Variants in ETV6 observed in about 807,000 individuals in gnomAD.
ETV6 encodes the protein transcription factor ETV6.
ETV6 carries 16 observed loss-of-function variants against 51.1 expected under a neutral mutation model. The observed-to-expected ratio is 0.31, with a 90% CI of 0.21 to 0.48. The LOEUF (loss-of-function observed/expected upper bound fraction) is 0.48. ETV6 is among the 20% of genes least tolerant of loss of function. The pLI is 0.99. For missense variants in ETV6, 458 were observed against 594.8 expected, an observed-to-expected ratio of 0.77 and a Z score of 2.39; for synonymous variants, 240 against 224.1, an observed-to-expected ratio of 1.07 and a Z score of -0.64.
chr12:11,751,715 T>C lies in ETV6; in HGVS notation c.34-735T>C, dbSNP rs1464284466. On this transcript the variant is annotated intron_variant, in intron 1 of 7. Coordinates refer to ENST00000396373, the MANE Select transcript of ETV6 (RefSeq NM_001987.5). ...TTGATAAGGGGTCAAACAGTACTTC[T>C]TTTAAATTCAGATAATTCTTTGAAT... 3 of 381,824 alleles carry C rather than the reference T, an allele frequency of 7.9e-6. No homozygotes were observed. The East Asian group carries it at 2.1e-4, about 27-fold the overall frequency. 23.7% of individuals were successfully genotyped at this position (381,824 alleles called of 1,614,324 possible). A position where few individuals can be genotyped will look rare whatever the true frequency, so the allele number is the denominator to read the frequency against.
chr12:11,864,786 T>C (rs921876433), intron 4 of ETV6, among the ~76,000 whole-genome samples: 14 of 151,934 alleles, frequency 9.2e-5, no homozygotes, highest in African/African-American at 2.4e-4. Context: ...ACAGGAAATA[T>C]CAAACCTATA....
At chr12:11,788,326 C>CT (rs1945519352) in intron 2 of ETV6, among the ~76,000 whole-genome samples, 1 of 152,056 alleles carries the variant, frequency 6.6e-6, no homozygotes, top group Non-Finnish European at 1.5e-5. Context: ...CAAATTGGGC[C>CT]TTTTTCCCCC....
At chr12:11,662,399 G>C (rs533187826) in intron 1 of ETV6, among the ~76,000 whole-genome samples, 1 of 152,376 alleles carries the variant, frequency 6.6e-6, no homozygotes, top group South Asian at 2.1e-4. Context: ...TCACTAGCCA[G>C]TTCTTCTGAG....
chr12:11,817,113 G>C (rs957648904), intron 2 of ETV6, among the ~76,000 whole-genome samples: 1 of 152,166 alleles, frequency 6.6e-6, no homozygotes, highest in African/African-American at 2.4e-5. Flanking sequence ...ACTGGACTCA[G>C]GATCTTCCCA....
At chr12:11,782,246 T>C (rs191565023) in intron 2 of ETV6, among the ~76,000 whole-genome samples, 4 of 152,292 alleles carry the variant, frequency 2.6e-5, no homozygotes, top group Admixed American at 2.0e-4. Context: ...TACTTCAGCT[T>C]AGGCAAGACA....
chr12:11,747,100 C>T (rs1865923319), intron 1 of ETV6, among the ~76,000 whole-genome samples: 1 of 152,148 alleles, frequency 6.6e-6, no homozygotes, highest in African/African-American at 2.4e-5. Context: ...CTGGCGTACC[C>T]TCTCCCCAAG....
At chr12:11,702,148 G>A (rs1864995081) in intron 1 of ETV6, among the ~76,000 whole-genome samples, 1 of 152,136 alleles carries the variant, frequency 6.6e-6, no homozygotes, top group Non-Finnish European at 1.5e-5. Flanking sequence ...TGGGGCAAAT[G>A]GGAAGGGAGC....
rs180976996 is a variant in ETV6 at position 11,777,697 on chromosome 12, C to T, written c.163+25118C>T. ...TTCCCATGCTGATCACATTCTCTCG[C>T]CTCTTTCTTCTGGCTACAACACACT... On this transcript the variant is annotated intron_variant, in intron 2 of 7. Coordinates refer to ENST00000396373, the MANE Select transcript of ETV6 (RefSeq NM_001987.5). 2.0e-5 allele frequency among the ~76,000 whole-genome samples: 3 copies of T among 152,282 alleles called. No homozygotes were observed. The East Asian group carries it at 5.8e-4, about 29-fold the overall frequency.
Position 11,869,327 on chromosome 12 carries a change from C to A in ETV6, c.464-97C>A, listed in dbSNP as rs1946840118. 1 of 1,073,114 alleles carries A rather than the reference C, an allele frequency of 9.3e-7. No individual in the cohort carries two copies. The highest frequency in any genetic ancestry group is 1.4e-6 in the Non-Finnish European group (1 of 732,450). 66.5% of individuals were successfully genotyped at this position (1,073,114 alleles called of 1,614,324 possible). Reference sequence around the variant, plus strand: ...GGGGAGAAAGGTCCTTTACACATACCTACACGCTCCTCCATTTACCGCCTG... The same window carrying A: ...GGGGAGAAAGGTCCTTTACACATACATACACGCTCCTCCATTTACCGCCTG... On this transcript the variant is annotated intron_variant, in intron 4 of 7. Transcript: ENST00000396373. This position sits in a 1 kb window ranked among gnomAD's most constrained non-coding sequence, Gnocchi z 5.0.
intron 2 of ETV6, among the ~76,000 whole-genome samples, chr12:11,801,698 G>T (rs1422433545): frequency 6.8e-6 from 1 of 147,854 alleles, no homozygotes; most frequent in Non-Finnish European, 1.5e-5. Context: ...TTGGTGTACA[G>T]ATGAGGAATC....
At chr12:11,702,917 G>A (rs1482657199) in intron 1 of ETV6, among the ~76,000 whole-genome samples, 1 of 152,160 alleles carries the variant, frequency 6.6e-6, no homozygotes, top group Non-Finnish European at 1.5e-5. Flanking sequence ...ACCAGCCTGG[G>A]CAACATGGCA....
rs139620719 is a variant in ETV6, at chr12:11,694,378, T to G, written c.33+44218T>G. The stretch of plus-strand genomic sequence containing the variant: ...TGACATGTTTTATAATAGCTTCTTA[T>G]GGAATTATCTGAATTGGGGACCCAT... On this transcript the variant is annotated intron_variant, in intron 1 of 7. Transcript: ENST00000396373. Among the ~76,000 whole-genome samples, 413 of 152,352 alleles carry G rather than the reference T, an allele frequency of 2.7e-3. 6 individuals carry two copies. Among genetic ancestry groups the G allele is most frequent in the African/African-American group, 9.7e-3 (403 of 41,582 alleles).
chr12:11,833,811 G>C (rs141747052), intron 2 of ETV6, among the ~76,000 whole-genome samples: 19 of 152,306 alleles, frequency 1.2e-4, no homozygotes, highest in African/African-American at 4.6e-4. Flanking sequence ...AAGCACTATG[G>C]TGGGGTGTTA....
intron 1 of ETV6, among the ~76,000 whole-genome samples, chr12:11,729,783 A>G (rs1290107783): frequency 6.6e-6 from 1 of 152,334 alleles, no homozygotes; most frequent in South Asian, 2.1e-4. Flanking sequence ...GTATCTTTAA[A>G]AAATTTTTTT....
chr12:11,712,028 T>A (rs1865183657), intron 1 of ETV6, among the ~76,000 whole-genome samples: 1 of 152,174 alleles, frequency 6.6e-6, no homozygotes, highest in Non-Finnish European at 1.5e-5. Flanking sequence ...ATTGTGTTAG[T>A]TTCCCATCAT....
chr12:11,763,098 A>G (rs1945114149), intron 2 of ETV6, among the ~76,000 whole-genome samples: 1 of 152,174 alleles, frequency 6.6e-6, no homozygotes, highest in South Asian at 2.1e-4. Context: ...GTTTCCCACT[A>G]GATATGAACA....
At chr12:11,821,478 T>G (rs914753281) in intron 2 of ETV6, among the ~76,000 whole-genome samples, 10 of 152,182 alleles carry the variant, frequency 6.6e-5, no homozygotes, top group Admixed American at 3.9e-4. Context: ...GAACAGCAGA[T>G]TTAGATGAGT....
At chr12:11,660,266 T>G (rs990759342) in intron 1 of ETV6, among the ~76,000 whole-genome samples, 4 of 152,172 alleles carry the variant, frequency 2.6e-5, no homozygotes, top group African/African-American at 9.7e-5. Context: ...GACAAGTAGA[T>G]CTGCACTAGG....
chr12:11,855,709 G>A (rs956088757), intron 4 of ETV6, among the ~76,000 whole-genome samples: 1 of 152,152 alleles, frequency 6.6e-6, no homozygotes, highest in African/African-American at 2.4e-5. Context: ...CCTCGCTTCC[G>A]TGATGGAGAA....
Sources: gnomAD v4.1 joint callset for allele counts (sites outside exome capture counted in the v4.1 genomes callset) on GRCh38, gnomAD v4.1.1 for gene constraint, Gnocchi (gnomAD v3.1) non-coding constraint, MANE v1.5 for transcripts, NCBI Gene and HGNC (gene_info 2026-07-23, HGNC 2026-07-21) for gene names.